CCDC85A: variants seen among roughly 807,000 people sequenced by gnomAD.
The protein encoded by CCDC85A is coiled-coil domain-containing protein 85A.
CCDC85A carries 38 observed loss-of-function variants against 50.2 expected under a neutral mutation model. The ratio of observed to expected loss-of-function variants is 0.76; its 90% CI spans 0.58 to 0.99. The LOEUF (loss-of-function observed/expected upper bound fraction) is 0.99. CCDC85A is among the 50% of genes least tolerant of loss of function. CCDC85A has a pLI of 0.00. For synonymous variants in CCDC85A, 366 were observed against 301.4 expected, an observed-to-expected ratio of 1.21 and a Z score of -2.22; for missense variants, 820 against 742.0, an observed-to-expected ratio of 1.11 and a Z score of -1.22.
intron 2 of CCDC85A, among the ~76,000 whole-genome samples, chr2:56,222,421 A>T (rs1668364198): frequency 6.6e-6 from 1 of 152,154 alleles, no homozygotes; most frequent in African/African-American, 2.4e-5. Flanking sequence ...CTTAGACCAA[A>T]GACGTGGAAT....
intron 2 of CCDC85A, among the ~76,000 whole-genome samples, chr2:56,285,514 T>C (rs1671402453): frequency 6.9e-6 from 1 of 145,900 alleles, no homozygotes. Flanking sequence ...TATAGTATAT[T>C]ATATTAATAA....
At chr2:56,317,975 A>C (rs1036898983) in intron 2 of CCDC85A, among the ~76,000 whole-genome samples, 1 of 152,102 alleles carries the variant, frequency 6.6e-6, no homozygotes, top group Non-Finnish European at 1.5e-5. Flanking sequence ...GATGTCTGCT[A>C]TGCATTTCAT....
chr2:56,376,125 G>A (rs1444914214), intron 5 of CCDC85A, among the ~76,000 whole-genome samples, 190 bp downstream of exon 5: 2 of 151,644 alleles, frequency 1.3e-5, no homozygotes, highest in African/African-American at 4.9e-5. Flanking sequence ...ATGAGTTTGA[G>A]TACTTATGGT....
chr2:56,199,063 GA>G (rs1395831150), intron 2 of CCDC85A, among the ~76,000 whole-genome samples: 1 of 151,850 alleles, frequency 6.6e-6, no homozygotes, highest in Admixed American at 6.6e-5. Context: ...AGATATGATA[GA>G]AAAAAAATGT....
chr2:56,375,293 A>G (rs1676279374), intron 4 of CCDC85A, among the ~76,000 whole-genome samples: 1 of 152,234 alleles, frequency 6.6e-6, no homozygotes, highest in South Asian at 2.1e-4. Context: ...AGCAGAAAAG[A>G]TCAATTTTCA....
chr2:56,379,841 T>C, intron 5 of CCDC85A: 1 of 972,808 alleles, frequency 1.0e-6, no homozygotes, highest in Non-Finnish European at 1.2e-6. Context: ...GTCAGAGAAA[T>C]GTGCAATGTA....
At chr2:56,220,940 T>A (rs1410355295) in intron 2 of CCDC85A, among the ~76,000 whole-genome samples, 1 of 152,016 alleles carries the variant, frequency 6.6e-6, no homozygotes, top group African/African-American at 2.4e-5. Context: ...TCTCTCCATT[T>A]GCATGAAATT....
intron 2 of CCDC85A, among the ~76,000 whole-genome samples, chr2:56,202,867 A>G (rs1221276631): frequency 6.6e-6 from 1 of 152,128 alleles, no homozygotes; most frequent in East Asian, 1.9e-4. Flanking sequence ...ATCCACCCAA[A>G]CAGAATAATA....
At chr2:56,240,644 A>T (rs992650710) in intron 2 of CCDC85A, among the ~76,000 whole-genome samples, 2 of 152,236 alleles carry the variant, frequency 1.3e-5, no homozygotes, top group South Asian at 2.1e-4. Context: ...GTGCAATATT[A>T]TGTGGGCCTT....
chr2:56,190,962 A>G (rs893574743), intron 1 of CCDC85A, among the ~76,000 whole-genome samples: 2 of 152,148 alleles, frequency 1.3e-5, no homozygotes, highest in Non-Finnish European at 2.9e-5. Context: ...TGACCATGCC[A>G]TGCATATTCT....
At chr2:56,249,305 G>A (rs545197355) in intron 2 of CCDC85A, among the ~76,000 whole-genome samples, 112 of 152,214 alleles carry the variant, frequency 7.4e-4, no homozygotes, top group Non-Finnish European at 1.2e-3. Context: ...GGAAAGAGGA[G>A]GAAACTCCCT....
At chr2:56,250,481 GA>G (rs1386498518) in intron 2 of CCDC85A, among the ~76,000 whole-genome samples, 1 of 152,178 alleles carries the variant, frequency 6.6e-6, no homozygotes, top group Admixed American at 6.5e-5. Flanking sequence ...CAGGTCAGGG[GA>G]AAGAAGTTAG....
At chr2:56,299,134 T>C (rs560026490) in intron 2 of CCDC85A, among the ~76,000 whole-genome samples, 19 of 152,298 alleles carry the variant, frequency 1.2e-4, no homozygotes, top group East Asian at 1.9e-4. Flanking sequence ...GTTTCTCCTC[T>C]TACAGCTGCA....
At chr2:56,235,569 T>C (rs1253954444) in intron 2 of CCDC85A, among the ~76,000 whole-genome samples, 1 of 152,086 alleles carries the variant, frequency 6.6e-6, no homozygotes, top group African/African-American at 2.4e-5. Context: ...AAACTTGGTG[T>C]CCATCCGTAA....
In CCDC85A at chr2:56,184,730, C is replaced by G. The variant is rs994138638; in HGVS notation, c.106C>G (p.Leu36Val). 1.3e-6 allele frequency: 2 copies of G among 1,539,890 alleles called. No homozygotes were observed. Among genetic ancestry groups the G allele is most frequent in the African/African-American group, 2.8e-5 (2 of 71,262 alleles). ...GGCCCCGCCCGCGCCGGTGGAGGAC[C>G]TGTCCAAAGTGTCGGACGAGGAGCT... is the stretch of plus-strand genomic sequence containing the variant. ...SAAPPAPVEDLSKVSDEELLQ... is the reference protein window; with the variant it reads ...SAAPPAPVEDVSKVSDEELLQ... Residue 36 changes from leucine (L) to valine (V), a missense_variant, in exon 1 of 6, where the codon CTG (leucine) becomes GTG (valine). Coordinates refer to ENST00000407595, the MANE Select transcript of CCDC85A (RefSeq NM_001080433.2).
At chr2:56,270,143 C>T (rs2104058816) in intron 2 of CCDC85A, among the ~76,000 whole-genome samples, 1 of 152,228 alleles carries the variant, frequency 6.6e-6, no homozygotes, top group African/African-American at 2.4e-5. Context: ...TGTTGATTTG[C>T]TCCTTTCCTT....
chr2:56,221,932 A>G (rs1668344888), intron 2 of CCDC85A, among the ~76,000 whole-genome samples: 1 of 152,082 alleles, frequency 6.6e-6, no homozygotes, highest in Non-Finnish European at 1.5e-5. Flanking sequence ...ATTCCATGGT[A>G]TAAGGATAGA....
At chr2:56,189,297 G>GTTTTT (rs70955011) in intron 1 of CCDC85A, among the ~76,000 whole-genome samples, 2 of 121,972 alleles carry the variant, frequency 1.6e-5, no homozygotes, top group African/African-American at 6.8e-5. Context: ...TATTTTTGGT[G>GTTTTT]TTTTTTTTTT....
intron 2 of CCDC85A, among the ~76,000 whole-genome samples, chr2:56,281,191 GTATT>G (rs1671191740): frequency 1.3e-5 from 2 of 152,084 alleles, no homozygotes; most frequent in Admixed American, 6.5e-5. Context: ...GAACCATACA[GTATT>G]TACTTGTGTA....
Sources: gnomAD v4.1 joint callset for allele counts (sites outside exome capture counted in the v4.1 genomes callset) on GRCh38, gnomAD v4.1.1 for gene constraint, MANE v1.5 for transcripts, NCBI Gene and HGNC (gene_info 2026-07-23, HGNC 2026-07-21) for gene names.